Variants in CD84 observed in about 807,000 individuals in gnomAD.
CD84 encodes SLAM family member 5.
A neutral mutation model predicts 33.8 loss-of-function variants in CD84; 22 were observed. The observed-to-expected ratio is 0.65, with a 90% confidence interval of 0.46 to 0.93. The LOEUF (loss-of-function observed/expected upper bound fraction) is 0.93. Among genes scored for constraint, CD84 ranks in the 40% least tolerant of loss-of-function variants. The probability of loss-of-function intolerance (pLI) is 0.00; values close to 1 mark genes in which losing one functional copy is unlikely to be tolerated. For missense variants in CD84, 400 were observed against 397.6 expected (o/e 1.01, Z -0.05); for synonymous variants, 154 against 145.2 (o/e 1.06, Z -0.44).
At position 160,547,001 on chromosome 1, in the gene CD84, C is replaced by G. The variant is rs1400036071; in HGVS notation, c.*1255G>C. 1.3e-5 allele frequency: 5 copies of G among 396,468 alleles called. No individual in the cohort carries two copies. The highest frequency in any genetic ancestry group is 1.0e-4 in the African/African-American group (5 of 48,556). The allele number at this position is 396,468 out of a possible 1,614,324, so 24.6% of individuals were successfully genotyped here. The stretch of plus-strand genomic sequence containing the variant: ...CTATTCATTGGGATTTAGGAGTTAG[C>G]CGATTATACTTGCTAACACATAAGG... On this transcript the variant is annotated 3_prime_UTR_variant, in exon 7 of 7. Transcript: ENST00000368054.
At chr1:160,561,689 A>G (rs541644235) in intron 2 of CD84, among the ~76,000 whole-genome samples, 1 of 152,314 alleles carries the variant, frequency 6.6e-6, no homozygotes, top group Non-Finnish European at 1.5e-5. Flanking sequence ...AAAGAAATAA[A>G]GGGTATTCGA....
chr1:160,570,505 T>C (rs572798196), intron 1 of CD84, among the ~76,000 whole-genome samples: 3 of 152,308 alleles, frequency 2.0e-5, no homozygotes, highest in South Asian at 2.1e-4. Flanking sequence ...ACGTTGGTCA[T>C]ATGACTAAGT....
At position 160,554,122 on chromosome 1, in the gene CD84, G is replaced by A; in HGVS notation, c.413C>T (p.Thr138Ile). 1 of 1,612,954 alleles carries A rather than the reference G, an allele frequency of 6.2e-7. No individual in the cohort carries two copies. The highest frequency in any genetic ancestry group is 8.5e-7 in the Non-Finnish European group (1 of 1,179,116). Residue 138 changes from threonine (T) to isoleucine (I), a missense_variant, in exon 3 of 7, where the codon ACA becomes ATA. Transcript: ENST00000368054. ...GTTCACAGATGCCATTAAACTCTGTGTAATTTTTGGTTTCCCAAGCCGACC... is the reference window on the plus strand; with the variant it reads ...GTTCACAGATGCCATTAAACTCTGTATAATTTTTGGTTTCCCAAGCCGACC... Reference protein sequence around the residue: ...IYRRLGKPKITQSLMASVNST... With the variant: ...IYRRLGKPKIIQSLMASVNST...
intron 1 of CD84, among the ~76,000 whole-genome samples, chr1:160,568,666 G>A (rs1657478695): frequency 6.6e-6 from 1 of 152,048 alleles, no homozygotes; most frequent in Non-Finnish European, 1.5e-5. Flanking sequence ...TGTCACCCAC[G>A]CTGGAGTGCA....
At chr1:160,549,706 CAAGT>C (rs1656070150) in intron 6 of CD84, among the ~76,000 whole-genome samples, 1 of 152,052 alleles carries the variant, frequency 6.6e-6, no homozygotes. Context: ...ATCAGCATCC[CAAGT>C]AAGATAACTC....
At chr1:160,560,647 G>T (rs1028499220) in intron 2 of CD84, among the ~76,000 whole-genome samples, 9 of 151,668 alleles carry the variant, frequency 5.9e-5, no homozygotes, top group African/African-American at 2.2e-4. Context: ...TAAAGATCAG[G>T]GCTGAACTGA....
At chr1:160,559,611 G>A (rs552737564) in intron 2 of CD84, among the ~76,000 whole-genome samples, 2 of 152,184 alleles carry the variant, frequency 1.3e-5, no homozygotes, top group South Asian at 4.2e-4. Context: ...ATGATGACAC[G>A]ATCAAATTCA....
intron 1 of CD84, among the ~76,000 whole-genome samples, chr1:160,569,724 C>T (rs998063946): frequency 1.3e-5 from 2 of 152,082 alleles, no homozygotes; most frequent in Admixed American, 1.3e-4. Context: ...ATTTTGAAGG[C>T]TGAATAGAAT....
chr1:160,552,212 C>T (rs1301602832), intron 4 of CD84, among the ~76,000 whole-genome samples: 2 of 152,128 alleles, frequency 1.3e-5, no homozygotes, highest in South Asian at 2.1e-4. Flanking sequence ...AAAGAATAGC[C>T]CTTTCTCTTC....
At chr1:160,567,024 T>C (rs1657371824) in intron 1 of CD84, among the ~76,000 whole-genome samples, 1 of 152,198 alleles carries the variant, frequency 6.6e-6, no homozygotes, top group Non-Finnish European at 1.5e-5. Flanking sequence ...GGGGCAAGCA[T>C]AGATGATATC....
In CD84 at chr1:160,542,508, A is replaced by G. The variant is rs550600888; in HGVS notation, c.*5748T>C. 1 of 152,188 alleles carries G rather than the reference A, an allele frequency of 6.6e-6. No individual in the cohort carries two copies. The highest frequency in any genetic ancestry group is 1.5e-5 in the Non-Finnish European group (1 of 68,034). The allele number at this position is 152,188 out of a possible 1,614,324, so 9.4% of individuals were successfully genotyped here. The stretch of plus-strand genomic sequence containing the variant: ...TATTGGAAATACAAGTTGTAAATGA[A>G]AGAGTTGAGATTATGAGCATTTAAA... On this transcript the variant is annotated 3_prime_UTR_variant, in exon 7 of 7. Transcript: ENST00000368054.
At chr1:160,553,761 A>C (rs531739360) in intron 3 of CD84, 134 bp downstream of exon 3, 13 of 1,383,324 alleles carry the variant, frequency 9.4e-6, no homozygotes, top group Middle Eastern at 1.8e-4. Context: ...GCTTCTTGGG[A>C]GGTGATGCCC....
intron 1 of CD84, among the ~76,000 whole-genome samples, chr1:160,566,798 G>A (rs1029241107): frequency 2.0e-5 from 3 of 152,126 alleles, no homozygotes; most frequent in Non-Finnish European, 4.4e-5. Context: ...AAAACTTAAG[G>A]ATGAATACTT....
Position 160,579,399 on chromosome 1 carries a change from C to T in CD84, c.39G>A (p.Leu13=), listed in dbSNP as rs1411839031. The T allele has an allele frequency of 6.2e-7, 1 of 1,613,134 alleles. No individual in the cohort carries two copies. Among genetic ancestry groups the T allele is most frequent in the Admixed American group, 1.7e-5 (1 of 59,898 alleles). Reference sequence around the variant, plus strand: ...GCAAGGGTCAGAACTCACAGGTTTGCAGGCAAAGGAGCAAGATCCATAGGT... The same window carrying T: ...GCAAGGGTCAGAACTCACAGGTTTGTAGGCAAAGGAGCAAGATCCATAGGT... ...QHHLWILLLC[L]QTWPEAAGKD... is the part of the protein sequence containing the mutation. Residue 13 remains leucine, a synonymous_variant, in exon 1 of 7, where the codon CTG becomes CTA. Coordinates refer to ENST00000368054, the MANE Select transcript of CD84 (RefSeq NM_003874.4).
intron 2 of CD84, among the ~76,000 whole-genome samples, chr1:160,555,920 G>A (rs1656578888): frequency 6.6e-6 from 1 of 152,168 alleles, no homozygotes; most frequent in Admixed American, 6.5e-5. Flanking sequence ...CTTTTAGAGG[G>A]ATCTATTCCA....
chr1:160,551,767 A>G (rs6427529), intron 4 of CD84, among the ~76,000 whole-genome samples: 5,061 of 151,818 alleles, frequency 0.033, 286 homozygotes, highest in African/African-American at 0.12. Flanking sequence ...TTGGTCTTGA[A>G]CTCCTGAGCT....
intron 1 of CD84, among the ~76,000 whole-genome samples, chr1:160,577,030 T>A (rs1472973989): frequency 1.3e-5 from 2 of 151,994 alleles, no homozygotes; most frequent in Non-Finnish European, 2.9e-5. Flanking sequence ...AGAGTGGGAG[T>A]GTCTCCCAGG....
intron 1 of CD84, chr1:160,571,322 C>A (rs1391727265): frequency 6.6e-6 from 1 of 151,854 alleles, no homozygotes; most frequent in Non-Finnish European, 1.5e-5. Flanking sequence ...ACAGAAGAGA[C>A]CAAGCAGTAA....
intron 2 of CD84, among the ~76,000 whole-genome samples, chr1:160,562,970 C>T (rs1007917553): frequency 1.3e-5 from 2 of 152,024 alleles, no homozygotes; most frequent in Non-Finnish European, 2.9e-5. Context: ...ATTCATGCAG[C>T]CAACAAACAT....
Sources: gnomAD v4.1 joint callset for allele counts (sites outside exome capture counted in the v4.1 genomes callset) on GRCh38, gnomAD v4.1.1 for gene constraint, MANE v1.5 for transcripts, NCBI Gene and HGNC (gene_info 2026-07-23, HGNC 2026-07-21) for gene names.